The following MET variants were observed in gnomAD, a reference collection of about 807,000 sequenced individuals.
MET encodes the protein MET proto-oncogene, receptor tyrosine kinase.
Under a neutral mutation model 133.1 loss-of-function variants are expected in MET, and 48 were observed. The ratio of observed to expected loss-of-function variants is 0.36; its 90% CI spans 0.29 to 0.46. The LOEUF (loss-of-function observed/expected upper bound fraction) is 0.46. Ranked by LOEUF, MET falls within the 20% of genes least tolerant of loss-of-function variation. The pLI, the probability that MET is intolerant of heterozygous loss-of-function variation, is 1.00. For missense variants in MET, 1,442 were observed against 1,695.9 expected, an observed-to-expected ratio of 0.85 and a Z score of 2.63; for synonymous variants, 628 against 616.5, an observed-to-expected ratio of 1.02 and a Z score of -0.28.
intron 2 of MET, among the ~76,000 whole-genome samples, chr7:116,720,945 C>A (rs1384409373): frequency 6.7e-6 from 1 of 149,518 alleles, no homozygotes; most frequent in Non-Finnish European, 1.5e-5. Flanking sequence ...GTCTAAAATT[C>A]TCTTTTTTGG....
intron 2 of MET, among the ~76,000 whole-genome samples, chr7:116,722,082 G>C (rs1792513864): frequency 1.3e-5 from 2 of 150,588 alleles, no homozygotes; most frequent in South Asian, 2.1e-4. Context: ...GTTGACAGTG[G>C]GGTGTTAAAG....
chr7:116,742,062 T>C (rs1027873185), intron 5 of MET, among the ~76,000 whole-genome samples: 29 of 152,358 alleles, frequency 1.9e-4, no homozygotes, highest in Admixed American at 9.2e-4. Flanking sequence ...TGTGTGCATG[T>C]AGAAAAGTTG....
At chr7:116,675,553 T>G (rs1478460600) in intron 1 of MET, among the ~76,000 whole-genome samples, 1 of 152,228 alleles carries the variant, frequency 6.6e-6, no homozygotes, top group Non-Finnish European at 1.5e-5. Flanking sequence ...AACATTCTTA[T>G]GTTATAGACA....
At chr7:116,697,852 T>G (rs1005969221) in intron 1 of MET, among the ~76,000 whole-genome samples, 1 of 152,206 alleles carries the variant, frequency 6.6e-6, no homozygotes, top group African/African-American at 2.4e-5. Context: ...TAATACCATT[T>G]GCAGTGCCAC....
At chr7:116,739,454 G>T (rs1793359543) in intron 3 of MET, among the ~76,000 whole-genome samples, 1 of 152,152 alleles carries the variant, frequency 6.6e-6, no homozygotes, top group Non-Finnish European at 1.5e-5. Flanking sequence ...GACCTGAAAA[G>T]ATCTATAAAT....
chr7:116,716,852 G>A (rs775899680), intron 2 of MET, among the ~76,000 whole-genome samples: 3 of 151,610 alleles, frequency 2.0e-5, no homozygotes, highest in Middle Eastern at 6.3e-3. Context: ...CTGGCTGGCC[G>A]GATGCCTGCT....
intron 1 of MET, among the ~76,000 whole-genome samples, chr7:116,677,586 A>G (rs1796204791): frequency 6.6e-6 from 1 of 152,336 alleles, no homozygotes; most frequent in South Asian, 2.1e-4. Context: ...AAAACACCAT[A>G]CAGCTTACAG....
At chr7:116,754,139 G>T (rs73471113) in intron 5 of MET, among the ~76,000 whole-genome samples, 1 of 151,964 alleles carries the variant, frequency 6.6e-6, no homozygotes, top group Non-Finnish European at 1.5e-5. Flanking sequence ...ATCTCTAAAA[G>T]TAAATAAGTA....
At chr7:116,777,551 A>C (rs1795034169) in intron 16 of MET, 82 bp downstream of exon 16, 15 of 1,336,800 alleles carry the variant, frequency 1.1e-5, no homozygotes, top group Non-Finnish European at 1.6e-5. Context: ...ACGTTGATTT[A>C]CACTTTCCCC....
At position 116,766,416 on chromosome 7, in the gene MET, G is replaced by A. The variant is rs138041456; in HGVS notation, c.2583+3148G>A. 2.2e-3 allele frequency among the ~76,000 whole-genome samples: 331 copies of A among 152,280 alleles called. 3 individuals are homozygous for A. The highest frequency in any genetic ancestry group is 7.6e-3 in the African/African-American group (316 of 41,562). ...ACAGGAACAAATGCTGAGAGCTCAG[G>A]AGGAGGTGAAGCATCAGTGTGTGGG... On this transcript the variant is annotated intron_variant, in intron 11 of 20. Coordinates refer to ENST00000397752, the MANE Select transcript of MET (RefSeq NM_000245.4).
intron 2 of MET, among the ~76,000 whole-genome samples, chr7:116,705,868 G>T (rs571938291): frequency 1.3e-5 from 2 of 151,948 alleles, no homozygotes. Flanking sequence ...TTTATTAAAA[G>T]AAATTTAAAA....
rs757455983 is a variant in MET, at chr7:116,740,099, C to A, written c.1527+15C>A. The A allele has an allele frequency of 1.2e-6, 2 of 1,613,916 alleles. No individual in the cohort carries two copies. The highest frequency in any genetic ancestry group is 1.7e-5 in the Admixed American group (1 of 60,020). On this transcript the variant is annotated intron_variant, in intron 4 of 20. Transcript: ENST00000397752. ...CTGGGAAGAAGGTAAGCTGTTCCCA[C>A]AGGGAATTTCCATAGACGTGGTTTT...
chr7:116,690,382 T>C (rs1204969842), intron 1 of MET, among the ~76,000 whole-genome samples: 1 of 152,164 alleles, frequency 6.6e-6, no homozygotes, highest in African/African-American at 2.4e-5. Flanking sequence ...TAAGTCTGTC[T>C]GACACTAAAG....
At chr7:116,718,823 C>T (rs2116698735) in intron 2 of MET, among the ~76,000 whole-genome samples, 1 of 147,460 alleles carries the variant, frequency 6.8e-6, no homozygotes, top group Admixed American at 6.8e-5. Flanking sequence ...GACGTGAACT[C>T]ATCATTTTTT....
intron 3 of MET, among the ~76,000 whole-genome samples, chr7:116,738,223 G>C (rs1371979702): frequency 6.6e-6 from 1 of 152,154 alleles, no homozygotes; most frequent in Admixed American, 6.5e-5. Context: ...TGAAGTGATT[G>C]GCAACAGCCA....
At position 116,723,838 on chromosome 7, in the gene MET, A is replaced by G. The variant is rs550416576; in HGVS notation, c.1201-7830A>G. ...ACCCACTTGAGGAGGCAGTCTGCCC[A>G]TTCTCAGATCTCCAGCTGCATGCTG... On this transcript the variant is annotated intron_variant, in intron 2 of 20. Transcript: ENST00000397752. Among the ~76,000 whole-genome samples the G allele has an allele frequency of 3.4e-3, 524 of 152,212 alleles. 2 individuals are homozygous for G. The highest frequency in any genetic ancestry group is 8.3e-3 in the African/African-American group (346 of 41,546).
intron 1 of MET, among the ~76,000 whole-genome samples, chr7:116,686,949 C>T (rs1269460192): frequency 1.3e-5 from 2 of 152,222 alleles, no homozygotes; most frequent in Non-Finnish European, 2.9e-5. Context: ...CTGAAATACT[C>T]CTTGGCCCCG....
In MET at chr7:116,740,049, C is replaced by G; in HGVS notation, c.1492C>G (p.Gln498Glu). 6.2e-7 allele frequency: 1 copy of G among 1,614,060 alleles called. No homozygotes were observed. The highest frequency in any genetic ancestry group is 8.5e-7 in the Non-Finnish European group (1 of 1,179,978). Residue 498 changes from glutamine to glutamate, a missense_variant, in exon 4 of 21, where the codon CAA (glutamine) becomes GAA (glutamate). By Grantham distance (29) the Gln-to-Glu change is conservative. This residue lies in a region of MET where 762 missense variants were observed against 792.4 expected (regional missense o/e 0.96). Transcript: ENST00000397752. ...AGTGATTGTGGAGCATACATTAAACCAAAATGGCTACACACTGGTTATCAC... is the reference window on the plus strand; with the variant it reads ...AGTGATTGTGGAGCATACATTAAACGAAAATGGCTACACACTGGTTATCAC... The part of the protein sequence containing the change: ...PEVIVEHTLN[Q>E]NGYTLVITGK...
chr7:116,745,127 C>T (rs540156802), intron 5 of MET, among the ~76,000 whole-genome samples: 4 of 152,272 alleles, frequency 2.6e-5, no homozygotes, highest in East Asian at 3.9e-4. Context: ...CATTTTTATA[C>T]ACCAATAACA....
Sources: allele counts gnomAD v4.1 joint callset (sites outside exome capture counted in the v4.1 genomes callset), GRCh38; gene constraint gnomAD v4.1.1; regional missense constraint gnomAD v4.1.1; transcripts MANE v1.5; gene names NCBI Gene and HGNC (gene_info 2026-07-23, HGNC 2026-07-21).